The following PCDH15 variants were observed in gnomAD, a reference collection of about 807,000 sequenced individuals.
PCDH15 encodes protocadherin-15.
PCDH15 carries 129 observed loss-of-function variants against 178.5 expected under a neutral mutation model. The ratio of observed to expected loss-of-function variants is 0.72; its 90% CI spans 0.63 to 0.84. PCDH15 has a LOEUF of 0.84. Ranked by LOEUF, PCDH15 falls within the 40% of genes least tolerant of loss-of-function variation. The probability of loss-of-function intolerance (pLI) is 0.00; values close to 1 mark genes in which losing one functional copy is unlikely to be tolerated. For synonymous variants in PCDH15, 800 were observed against 732.0 expected (o/e 1.09, Z -1.50); for missense variants, 2,230 against 2,099.9 (o/e 1.06, Z -1.21).
intron 2 of PCDH15, among the ~76,000 whole-genome samples, chr10:55,433,018 C>G (rs1045813123): frequency 2.8e-5 from 4 of 141,430 alleles, no homozygotes; most frequent in African/African-American, 1.1e-4. Flanking sequence ...AGCAAGACTC[C>G]GTCTCAAAAA....
At chr10:55,084,303 G>T (rs77553925) in intron 2 of PCDH15, among the ~76,000 whole-genome samples, 1,658 of 151,676 alleles carry the variant, frequency 0.011, 25 homozygotes, top group African/African-American at 0.038. Context: ...TGAATAAGGC[G>T]CCAAGAGCGT....
chr10:55,178,148 A>AGACTATTAT (rs1839547235), intron 1 of PCDH15, among the ~76,000 whole-genome samples: 3 of 152,170 alleles, frequency 2.0e-5, no homozygotes, highest in Non-Finnish European at 4.4e-5. Flanking sequence ...GGAAATTAAC[A>AGACTATTAT]GACTATTATT....
At chr10:54,231,184 C>A (rs138358014) in intron 9 of PCDH15, among the ~76,000 whole-genome samples, 1 of 152,320 alleles carries the variant, frequency 6.6e-6, no homozygotes, top group Non-Finnish European at 1.5e-5. Context: ...GCCAGGACCA[C>A]GGCTCCACTG....
At position 53,976,652 on chromosome 10, in the gene PCDH15, C is replaced by T. The variant is rs574519988; in HGVS notation, c.2869-14760G>A. On this transcript the variant is annotated intron_variant, in intron 21 of 37. Coordinates refer to ENST00000644397, the MANE Select transcript of PCDH15 (RefSeq NM_001384140.1). The stretch of plus-strand genomic sequence containing the variant: ...ACATATTTACTTGTGTATGGTTTTG[C>T]AGCCTGTCTCTGTCCATCATCTGTA... Among the ~76,000 whole-genome samples, 190 of 152,088 alleles carry T rather than the reference C, an allele frequency of 1.2e-3. 1 individual carries two copies. Among genetic ancestry groups the T allele is most frequent in the African/African-American group, 4.4e-3 (184 of 41,522 alleles).
chr10:54,842,198 G>C (rs1953431300), intron 3 of PCDH15, among the ~76,000 whole-genome samples: 1 of 151,754 alleles, frequency 6.6e-6, no homozygotes. Flanking sequence ...GTGTGTGTGT[G>C]TGTGTGAGAC....
chr10:53,810,184 T>C (rs908446676), intron 37 of PCDH15, among the ~76,000 whole-genome samples: 1 of 152,216 alleles, frequency 6.6e-6, no homozygotes, highest in Non-Finnish European at 1.5e-5. Context: ...GTGGAGACTA[T>C]ATTTTTTCAT....
intron 17 of PCDH15, among the ~76,000 whole-genome samples, chr10:54,075,359 A>G (rs188227516): frequency 4.7e-5 from 7 of 148,772 alleles, no homozygotes; most frequent in African/African-American, 1.7e-4. Context: ...CCTGGGTGAC[A>G]GAGCAAAAAT....
At chr10:54,647,643 T>G (rs1565844046) in intron 2 of PCDH15, among the ~76,000 whole-genome samples, 1 of 152,066 alleles carries the variant, frequency 6.6e-6, no homozygotes, top group Non-Finnish European at 1.5e-5. Flanking sequence ...AATTTTAACC[T>G]TCTGTTTCCA....
chr10:54,163,043 T>A (rs552949405), intron 13 of PCDH15, among the ~76,000 whole-genome samples: 2 of 151,798 alleles, frequency 1.3e-5, no homozygotes, highest in African/African-American at 4.8e-5. Context: ...TGACCCCATA[T>A]CCTGATGATT....
At chr10:54,677,588 T>A (rs1170773251) in intron 1 of PCDH15, among the ~76,000 whole-genome samples, 1 of 152,034 alleles carries the variant, frequency 6.6e-6, no homozygotes, top group Non-Finnish European at 1.5e-5. Flanking sequence ...ATACCGTAAA[T>A]AAATAATTAA....
intron 15 of PCDH15, among the ~76,000 whole-genome samples, chr10:54,091,370 G>A (rs2094598072): frequency 6.6e-6 from 1 of 152,174 alleles, no homozygotes; most frequent in Admixed American, 6.5e-5. Context: ...GAATAAGTAT[G>A]TGAGTTTCTG....
chr10:55,260,759 G>A (rs1418511727), intron 1 of PCDH15, among the ~76,000 whole-genome samples: 1 of 152,166 alleles, frequency 6.6e-6, no homozygotes, highest in Admixed American at 6.5e-5. Context: ...CATCCTACCT[G>A]TAGGGCTTTT....
intron 2 of PCDH15, among the ~76,000 whole-genome samples, chr10:55,591,512 A>T (rs1055171056): frequency 9.2e-5 from 14 of 152,186 alleles, no homozygotes; most frequent in African/African-American, 3.4e-4. Flanking sequence ...AGTGGTCATC[A>T]TCCACATTTT....
At chr10:54,780,866 C>A (rs916560114) in intron 1 of PCDH15, among the ~76,000 whole-genome samples, 5 of 151,732 alleles carry the variant, frequency 3.3e-5, no homozygotes, top group Admixed American at 3.3e-4. Context: ...CGATTGTCAA[C>A]AGAGATCAAA....
At chr10:54,846,534 G>T (rs774762818) in intron 3 of PCDH15, among the ~76,000 whole-genome samples, 10 of 152,052 alleles carry the variant, frequency 6.6e-5, no homozygotes, top group Non-Finnish European at 1.5e-4. Flanking sequence ...AATGCATCCG[G>T]CAATCTACCA....
intron 1 of PCDH15, among the ~76,000 whole-genome samples, chr10:55,288,842 C>A (rs1842938012): frequency 6.6e-6 from 1 of 150,632 alleles, no homozygotes; most frequent in Non-Finnish European, 1.5e-5. Flanking sequence ...GAGGCTATTT[C>A]TTCCAGCTTA....
chr10:55,085,796 T>C (rs1842154774), intron 2 of PCDH15, among the ~76,000 whole-genome samples: 1 of 151,856 alleles, frequency 6.6e-6, no homozygotes, highest in South Asian at 2.1e-4. Context: ...AAATACAGCA[T>C]TGAGTTTAAT....
intron 6 of PCDH15, 88 bp downstream of exon 6, chr10:54,346,277 T>A: frequency 7.8e-7 from 1 of 1,281,860 alleles, no homozygotes; most frequent in Non-Finnish European, 1.1e-6. Context: ...TTCTGGAAGT[T>A]ACTGAATAAT....
chr10:54,911,173 T>G (rs1234624117), intron 2 of PCDH15, among the ~76,000 whole-genome samples: 1 of 152,190 alleles, frequency 6.6e-6, no homozygotes, highest in Non-Finnish European at 1.5e-5. Flanking sequence ...GGTCTTCAGA[T>G]GCAGATCACA....
Sources: gnomAD v4.1 joint callset for allele counts (sites outside exome capture counted in the v4.1 genomes callset) on GRCh38, gnomAD v4.1.1 for gene constraint, MANE v1.5 for transcripts, NCBI Gene and HGNC (gene_info 2026-07-23, HGNC 2026-07-21) for gene names.